The following NME7 variants were observed in gnomAD, a reference collection of about 807,000 sequenced individuals.
NME7 encodes nucleoside diphosphate kinase 7.
Under a neutral mutation model 49.1 loss-of-function variants are expected in NME7, and 41 were observed. The ratio of observed to expected loss-of-function variants is 0.83; its 90% CI spans 0.65 to 1.08. NME7 has a LOEUF of 1.08. Ranked by LOEUF, NME7 falls within the 50% of genes least tolerant of loss-of-function variation. The probability of loss-of-function intolerance (pLI) is 0.00; values close to 1 mark genes in which losing one functional copy is unlikely to be tolerated. For missense variants in NME7, 423 were observed against 463.4 expected (o/e 0.91, Z 0.80); for synonymous variants, 139 against 150.6 (o/e 0.92, Z 0.56).
intron 10 of NME7, among the ~76,000 whole-genome samples, chr1:169,193,882 G>A (rs2101767349): frequency 6.9e-6 from 1 of 144,590 alleles, no homozygotes; most frequent in South Asian, 2.2e-4. Flanking sequence ...AGATCTTAAA[G>A]AAAACAGTAT....
chr1:169,241,534 A>C (rs1648085444), intron 7 of NME7, among the ~76,000 whole-genome samples: 1 of 152,022 alleles, frequency 6.6e-6, no homozygotes. Flanking sequence ...GCTTCAATCA[A>C]TATGAAAAGA....
At chr1:169,133,635 A>T (rs1174810482) in intron 11 of NME7, among the ~76,000 whole-genome samples, 1 of 152,250 alleles carries the variant, frequency 6.6e-6, no homozygotes, top group Admixed American at 6.5e-5. Flanking sequence ...TAGCAAGGGA[A>T]CTATGAAAAA....
At chr1:169,294,963 A>G (rs1191118068) in intron 6 of NME7, among the ~76,000 whole-genome samples, 2 of 152,100 alleles carry the variant, frequency 1.3e-5, no homozygotes, top group Non-Finnish European at 1.5e-5. Flanking sequence ...CCTCCCTCCA[A>G]GGTGAGCGAA....
In NME7 at chr1:169,342,934, CAT is replaced by C. The variant is rs66554144; in HGVS notation, c.4-18436_4-18435del. On this transcript the variant is annotated intron_variant, in intron 1 of 11. Coordinates refer to ENST00000367811, the MANE Select transcript of NME7 (RefSeq NM_013330.5). The stretch of plus-strand genomic sequence containing the variant: ...TAGTGTATATATATATATACAAGTA[CAT>C]ATATATACTTGTATTAGTATATATA... Among the ~76,000 whole-genome samples the C allele has an allele frequency of 2.7e-3, 261 of 97,078 alleles. 57 individuals are homozygous for C. The Middle Eastern group carries it at 0.031, about 12-fold the overall frequency. The allele number at this position is 97,078 out of a possible 152,430, so 63.7% of individuals were successfully genotyped here.
chr1:169,283,028 C>T (rs1469832482), intron 7 of NME7, among the ~76,000 whole-genome samples: 1 of 152,032 alleles, frequency 6.6e-6, no homozygotes, highest in African/African-American at 2.4e-5. Flanking sequence ...GTTGATCTGT[C>T]TAATATTGAC....
At chr1:169,288,615 T>G (rs1426739280) in intron 6 of NME7, among the ~76,000 whole-genome samples, 2 of 152,186 alleles carry the variant, frequency 1.3e-5, no homozygotes, top group Non-Finnish European at 2.9e-5. Context: ...GATGAGCATT[T>G]TTTTAAACAC....
chr1:169,289,930 T>C (rs201838597), intron 6 of NME7, among the ~76,000 whole-genome samples: 1 of 152,034 alleles, frequency 6.6e-6, no homozygotes, highest in Non-Finnish European at 1.5e-5. Context: ...CTAAAATATT[T>C]TGTATAAAGA....
chr1:169,249,980 T>C (rs1215716142), intron 7 of NME7, among the ~76,000 whole-genome samples: 1 of 152,124 alleles, frequency 6.6e-6, no homozygotes, highest in Non-Finnish European at 1.5e-5. Context: ...AGAATGATAC[T>C]GGCTTCATAG....
At chr1:169,366,209 A>T (rs1412814517) in intron 1 of NME7, among the ~76,000 whole-genome samples, 1 of 152,262 alleles carries the variant, frequency 6.6e-6, no homozygotes, top group Non-Finnish European at 1.5e-5. Flanking sequence ...CAGTAAAAGG[A>T]ATTAATGACT....
At chr1:169,261,145 T>C (rs1649148125) in intron 7 of NME7, among the ~76,000 whole-genome samples, 1 of 134,210 alleles carries the variant, frequency 7.5e-6, no homozygotes, top group Admixed American at 7.3e-5. Context: ...TGAAATTAAA[T>C]ATTATTCAAA....
intron 6 of NME7, among the ~76,000 whole-genome samples, chr1:169,297,691 T>A (rs1650765003): frequency 6.6e-6 from 1 of 152,170 alleles, no homozygotes. Flanking sequence ...AGACAGAAAT[T>A]CACTGAAGGG....
chr1:169,158,500 G>A (rs1409746182), intron 11 of NME7, among the ~76,000 whole-genome samples: 1 of 152,076 alleles, frequency 6.6e-6, no homozygotes, highest in African/African-American at 2.4e-5. Flanking sequence ...AACTGAAGCT[G>A]TGGAAAGTGA....
intron 1 of NME7, among the ~76,000 whole-genome samples, chr1:169,333,601 A>T (rs1652344451): frequency 6.6e-6 from 1 of 152,034 alleles, no homozygotes; most frequent in African/African-American, 2.4e-5. Context: ...TATCTCATGA[A>T]CCCCATAAAT....
intron 11 of NME7, among the ~76,000 whole-genome samples, chr1:169,150,913 T>C (rs1658896138): frequency 6.6e-6 from 1 of 152,206 alleles, no homozygotes; most frequent in Non-Finnish European, 1.5e-5. Flanking sequence ...CCCGCTATGT[T>C]CCTATAAAAC....
At chr1:169,325,719 T>C (rs1293562750) in intron 1 of NME7, among the ~76,000 whole-genome samples, 2 of 152,262 alleles carry the variant, frequency 1.3e-5, no homozygotes, top group South Asian at 2.1e-4. Flanking sequence ...ATTCTAATGG[T>C]AGAAGTTGTG....
At chr1:169,281,117 C>T (rs1013825220) in intron 7 of NME7, among the ~76,000 whole-genome samples, 3 of 152,022 alleles carry the variant, frequency 2.0e-5, no homozygotes, top group Non-Finnish European at 2.9e-5. Flanking sequence ...TTGTTTGTGT[C>T]CTCTCTTATT....
chr1:169,221,397 A>C (rs1238048201), intron 10 of NME7, among the ~76,000 whole-genome samples: 1 of 152,078 alleles, frequency 6.6e-6, no homozygotes, highest in African/African-American at 2.4e-5. Context: ...CCTGTCCCTC[A>C]TCTCTCTGAC....
At chr1:169,155,168 A>G (rs369064941) in intron 11 of NME7, among the ~76,000 whole-genome samples, 3 of 151,986 alleles carry the variant, frequency 2.0e-5, no homozygotes, top group East Asian at 3.9e-4. Flanking sequence ...TCTTTGACCT[A>G]TGAAATGTGA....
chr1:169,167,397 CATT>C (rs1328162761), intron 11 of NME7, among the ~76,000 whole-genome samples: 3 of 151,828 alleles, frequency 2.0e-5, no homozygotes, highest in African/African-American at 4.8e-5. Context: ...ACATAATACT[CATT>C]AAAATAAATG....
Sources: gnomAD v4.1 joint callset for allele counts (sites outside exome capture counted in the v4.1 genomes callset) on GRCh38, gnomAD v4.1.1 for gene constraint, MANE v1.5 for transcripts, NCBI Gene and HGNC (gene_info 2026-07-23, HGNC 2026-07-21) for gene names.